The following CENPE variants were observed in gnomAD, a reference collection of about 807,000 sequenced individuals.
CENPE encodes the protein centromere-associated protein E.
In CENPE, 145 loss-of-function variants were observed where a neutral mutation model predicts 336.1. That is an observed-to-expected ratio of 0.43 (90% CI 0.38 to 0.50). The LOEUF (loss-of-function observed/expected upper bound fraction) is 0.50. Ranked by LOEUF, CENPE falls within the 20% of genes least tolerant of loss-of-function variation. The pLI is 0.00. For missense variants in CENPE, 2,719 were observed against 3,023.3 expected (o/e 0.90, Z 2.36); for synonymous variants, 1,013 against 984.8 (o/e 1.03, Z -0.54).
chr4:103,195,020 A>G, intron 5 of CENPE, 94 bp downstream of exon 5: 1 of 1,128,500 alleles, frequency 8.9e-7, no homozygotes, highest in Admixed American at 2.8e-5. Context: ...AATAGGAGAC[A>G]CTTTAAAAAC....
At chr4:103,120,117 C>T (rs774078104) in intron 44 of CENPE, 31 bp downstream of exon 44, 1 of 1,500,896 alleles carries the variant, frequency 6.7e-7, no homozygotes. Flanking sequence ...AACAAACAAA[C>T]AAACAACTTT....
At chr4:103,110,115 G>A (rs1749256996) in intron 47 of CENPE, among the ~76,000 whole-genome samples, 1 of 152,104 alleles carries the variant, frequency 6.6e-6, no homozygotes, top group African/African-American at 2.4e-5. Flanking sequence ...ATACCTTGGA[G>A]ATATTGCAGG....
At position 103,198,246 on chromosome 4, in the gene CENPE, G is replaced by T. The variant is rs1757893739; in HGVS notation, c.56+18C>A. On this transcript the variant is annotated intron_variant, in intron 1 of 48. Transcript: ENST00000265148. The stretch of plus-strand genomic sequence containing the variant: ...CCGCAGGCCCAGCGGGCACCGGGCC[G>T]TGGTGTGGCCCCCCTACCTGCTGTT... 1 of 1,549,160 alleles carries T rather than the reference G, an allele frequency of 6.5e-7. No homozygotes were observed. The highest frequency in any genetic ancestry group is 1.4e-5 in the African/African-American group (1 of 72,988).
In CENPE at chr4:103,158,599, C is replaced by G. The variant is rs762346702; in HGVS notation, c.2874+15G>C. 7.0e-6 allele frequency: 11 copies of G among 1,568,730 alleles called. No homozygotes were observed. In the Admixed American group the frequency reaches 2.3e-4, roughly 32 times the overall value. On this transcript the variant is annotated intron_variant, in intron 23 of 48. Transcript: ENST00000265148. ...AGTCTCCAATTTTTCAAAGTTTAAT[C>G]AATCAAAACCTTACCATGTTAACAG...
intron 47 of CENPE, among the ~76,000 whole-genome samples, 153 bp from the exon 48 acceptor site, chr4:103,109,242 A>G (rs1435800470): frequency 1.3e-5 from 2 of 152,194 alleles, no homozygotes; most frequent in Non-Finnish European, 2.9e-5. Context: ...TTTCAACCTC[A>G]TGCTTCCTGT....
intron 26 of CENPE, 73 bp downstream of exon 26, chr4:103,151,146 T>G (rs1753508075): frequency 7.1e-7 from 1 of 1,407,674 alleles, no homozygotes. Flanking sequence ...GATTTAGGTC[T>G]ACAGAAATAA....
intron 45 of CENPE, chr4:103,116,343 A>G (rs1364576796): frequency 7.7e-6 from 2 of 261,012 alleles, no homozygotes; most frequent in African/African-American, 4.5e-5. Context: ...ATGACTAAGA[A>G]GTGTTCAAAG....
At chr4:103,150,979 A>C (rs1753495692) in intron 26 of CENPE, among the ~76,000 whole-genome samples, 1 of 152,226 alleles carries the variant, frequency 6.6e-6, no homozygotes, top group African/African-American at 2.4e-5. Flanking sequence ...AATACATCAT[A>C]TGATTTGTTT....
chr4:103,153,943 T>C (rs1389464699), intron 24 of CENPE, among the ~76,000 whole-genome samples: 1 of 152,144 alleles, frequency 6.6e-6, no homozygotes, highest in Non-Finnish European at 1.5e-5. Context: ...TTAATATATG[T>C]ATATTTTATA....
chr4:103,195,461 C>G (rs1297175613), intron 4 of CENPE, among the ~76,000 whole-genome samples: 1 of 152,040 alleles, frequency 6.6e-6, no homozygotes, highest in South Asian at 2.1e-4. Context: ...TAGGCTCAAA[C>G]TCTAGGCTCA....
chr4:103,128,266 C>T (rs1049854760), intron 42 of CENPE, among the ~76,000 whole-genome samples: 1 of 152,156 alleles, frequency 6.6e-6, no homozygotes, highest in African/African-American at 2.4e-5. Flanking sequence ...CATTAAAATA[C>T]TTGAGGCAAA....
At chr4:103,133,473 C>T (rs1397632933) in intron 41 of CENPE, among the ~76,000 whole-genome samples, 1 of 152,122 alleles carries the variant, frequency 6.6e-6, no homozygotes, top group Non-Finnish European at 1.5e-5. Flanking sequence ...TGTAATAAAG[C>T]GGTTTCTGAC....
intron 22 of CENPE, 42 bp downstream of exon 22, chr4:103,158,968 G>C (rs766434573): frequency 2.0e-6 from 3 of 1,533,160 alleles, no homozygotes; most frequent in Non-Finnish European, 2.6e-6. Context: ...CAAAACCCCA[G>C]AAGACTAAGG....
chr4:103,153,271 A>G lies in CENPE; in HGVS notation c.3034-21T>C, dbSNP rs777500760. 55 of 1,527,934 alleles carry G rather than the reference A, an allele frequency of 3.6e-5. No individual in the cohort carries two copies. The Middle Eastern group carries it at 1.0e-3, about 28-fold the overall frequency. The allele number at this position is 1,527,934 out of a possible 1,614,324, so 94.6% of individuals were successfully genotyped here. On this transcript the variant is annotated intron_variant, in intron 24 of 48. Transcript: ENST00000265148. ...ACCATCTAAAACATAAACACATTAC[A>G]GAAGAATTTCTTAAGTAGTTAACAA...
chr4:103,114,154 G>GA (rs1299106841), intron 46 of CENPE, among the ~76,000 whole-genome samples: 5 of 152,252 alleles, frequency 3.3e-5, no homozygotes, highest in South Asian at 4.1e-4. Context: ...ATTCCATGTT[G>GA]ATATAGTATA....
chr4:103,160,712 A>T lies in CENPE; in HGVS notation c.2199T>A (p.Val733=). The T allele has an allele frequency of 1.2e-6, 2 of 1,610,436 alleles. No individual in the cohort carries two copies. The highest frequency in any genetic ancestry group is 2.2e-5 in the South Asian group (2 of 90,600). ...CTTCCCGCAAAGCTTCATTTTCTTC[A>T]ACTTCTTTATTTAGTTCTTTCTGAA... ...TDLQKELNKE[V]EENEALREEV... is the part of the protein sequence containing the mutation. Residue 733 remains valine, a synonymous_variant, in exon 21 of 49, where the codon GTT becomes GTA. Coordinates refer to ENST00000265148, the MANE Select transcript of CENPE (RefSeq NM_001813.3).
intron 24 of CENPE, among the ~76,000 whole-genome samples, chr4:103,154,373 T>C (rs1753800177): frequency 1.3e-5 from 2 of 152,152 alleles, no homozygotes; most frequent in Admixed American, 6.5e-5. Context: ...CTTTTCCACT[T>C]AGATCATATG....
chr4:103,109,117 CTG>C, intron 47 of CENPE, 28 bp from the exon 48 acceptor site: 3 of 1,555,270 alleles, frequency 1.9e-6, no homozygotes, highest in Non-Finnish European at 2.6e-6. Context: ...AAAAGAGAGA[CTG>C]TAAGACTTCT....
Position 103,182,753 on chromosome 4 carries a change from C to A in CENPE, c.963+9G>T. The A allele has an allele frequency of 6.3e-7, 1 of 1,585,840 alleles. No individual in the cohort carries two copies. On this transcript the variant is annotated intron_variant, in intron 11 of 48. Transcript: ENST00000265148. ...CCCTATATTAAGCTGAGATAAAAAT[C>A]AAACTCACCTGGAGAGCAGTAAGTG...
Sources: allele counts gnomAD v4.1 joint callset (sites outside exome capture counted in the v4.1 genomes callset), GRCh38; gene constraint gnomAD v4.1.1; transcripts MANE v1.5; gene names NCBI Gene and HGNC (gene_info 2026-07-23, HGNC 2026-07-21).